The following PGPEP1L variants were observed in gnomAD, a reference collection of about 807,000 sequenced individuals.
PGPEP1L encodes pyroglutamyl-peptidase 1-like protein.
Under a neutral mutation model 6.0 loss-of-function variants are expected in PGPEP1L, and 7 were observed. That is an observed-to-expected ratio of 1.17 (90% confidence interval 0.66 to 2.19). The LOEUF is 2.19. PGPEP1L is among the 30% of genes most tolerant of loss of function. The pLI is 0.00. For synonymous variants in PGPEP1L, 103 were observed against 83.9 expected (o/e 1.23, Z -1.24); for missense variants, 209 against 192.5 (o/e 1.09, Z -0.51).
chr15:98,981,503 A>AC (rs2017661879), intron 2 of PGPEP1L, among the ~76,000 whole-genome samples: 1 of 141,914 alleles, frequency 7.0e-6, no homozygotes, highest in East Asian at 2.1e-4. Context: ...AAAAAAAAAA[A>AC]AAACAAAAAC....
chr15:98,969,717 C>T, intron 3 of PGPEP1L, 66 bp from the exon 4 acceptor site: 1 of 1,508,654 alleles, frequency 6.6e-7, no homozygotes, highest in Non-Finnish European at 9.1e-7. Context: ...ACCAAATGTG[C>T]AGAAGGGGCC....
chr15:98,992,979 A>C (rs1373040673), intron 2 of PGPEP1L, among the ~76,000 whole-genome samples: 1 of 152,104 alleles, frequency 6.6e-6, no homozygotes. Context: ...CGTAAGAAAC[A>C]TAAGACCTAA....
intron 2 of PGPEP1L, among the ~76,000 whole-genome samples, chr15:98,991,595 T>C (rs550286745): frequency 2.4e-3 from 370 of 152,282 alleles, no homozygotes; most frequent in Non-Finnish European, 3.7e-3. Context: ...CCTCCCTAAC[T>C]CATTTTAGGA....
intron 2 of PGPEP1L, among the ~76,000 whole-genome samples, chr15:98,984,033 T>TC (rs1491091964): frequency 7.5e-6 from 1 of 133,602 alleles, no homozygotes; most frequent in Non-Finnish European, 1.5e-5. Context: ...TTTTTTTTTT[T>TC]CTATTTTGAG....
chr15:98,997,325 A>G (rs1367222982), intron 2 of PGPEP1L, among the ~76,000 whole-genome samples: 1 of 152,066 alleles, frequency 6.6e-6, no homozygotes, highest in African/African-American at 2.4e-5. Context: ...AGCCTAGAAA[A>G]CCGATGCTGC....
In PGPEP1L at chr15:98,981,359, G is replaced by A. The variant is rs374845379; in HGVS notation, c.-141-10201C>T. On this transcript the variant is annotated intron_variant, in intron 2 of 4. Transcript: ENST00000535714. ...TACAAAGTTAGCCGGGCGTGCTGGC[G>A]GGCGCCTGTAGTCCCAGCTACTCGA... 3.9e-4 allele frequency among the ~76,000 whole-genome samples: 59 copies of A among 151,708 alleles called. No homozygotes were observed. In the East Asian group the frequency reaches 7.4e-3, roughly 19 times the overall value.
intron 2 of PGPEP1L, among the ~76,000 whole-genome samples, chr15:98,996,199 T>C (rs915592095): frequency 2.0e-5 from 3 of 152,222 alleles, no homozygotes; most frequent in Admixed American, 6.5e-5. Context: ...CTCATGGTAG[T>C]TTGCTTCTCT....
intron 2 of PGPEP1L, among the ~76,000 whole-genome samples, chr15:99,001,843 A>G (rs1311227934): frequency 6.6e-6 from 1 of 151,886 alleles, no homozygotes; most frequent in Non-Finnish European, 1.5e-5. Context: ...TCAGCCTCCT[A>G]AGTAGCTGGG....
chr15:99,007,061 A>C (rs1273065325), intron 1 of PGPEP1L, among the ~76,000 whole-genome samples: 2 of 151,686 alleles, frequency 1.3e-5, no homozygotes, highest in African/African-American at 2.4e-5. Context: ...CGCGGATTAG[A>C]CCCCCCTTGG....
intron 3 of PGPEP1L, 125 bp downstream of exon 3, chr15:98,970,911 T>C (rs2017483533): frequency 7.1e-7 from 1 of 1,399,606 alleles, no homozygotes; most frequent in African/African-American, 1.4e-5. Flanking sequence ...GGACCTTGCA[T>C]GACTGGTGGG....
At chr15:99,005,923 C>G (rs1191600851) in intron 1 of PGPEP1L, among the ~76,000 whole-genome samples, 5 of 152,114 alleles carry the variant, frequency 3.3e-5, no homozygotes, top group African/African-American at 1.2e-4. Context: ...TTACTTAGAT[C>G]TTATTTTTTC....
At chr15:98,980,128 C>G (rs549538355) in intron 2 of PGPEP1L, among the ~76,000 whole-genome samples, 14 of 152,086 alleles carry the variant, frequency 9.2e-5, no homozygotes, top group Non-Finnish European at 2.1e-4. Flanking sequence ...CAAATCACCA[C>G]TAAAGAACTT....
At chr15:99,002,303 A>G (rs782327376) in intron 2 of PGPEP1L, among the ~76,000 whole-genome samples, 1 of 152,154 alleles carries the variant, frequency 6.6e-6, no homozygotes, top group Admixed American at 6.6e-5. Context: ...GCCTACATAA[A>G]ATATTTGTAA....
intron 2 of PGPEP1L, among the ~76,000 whole-genome samples, chr15:98,993,763 G>A (rs2017850252): frequency 1.3e-5 from 2 of 151,596 alleles, no homozygotes; most frequent in Admixed American, 6.6e-5. Flanking sequence ...CATGGCACGT[G>A]TATACCTATG....
intron 2 of PGPEP1L, among the ~76,000 whole-genome samples, chr15:98,971,399 C>A (rs964765519): frequency 2.0e-5 from 3 of 152,100 alleles, no homozygotes; most frequent in African/African-American, 7.2e-5. Context: ...GAGGCTGAGG[C>A]AGGAGAATCA....
intron 2 of PGPEP1L, among the ~76,000 whole-genome samples, chr15:98,972,876 A>C (rs2017519416): frequency 2.0e-4 from 3 of 15,012 alleles, no homozygotes; most frequent in African/African-American, 2.8e-4. Context: ...CCGTCTCAAA[A>C]AAAAAAAAAA....
rs755144871 is a variant in PGPEP1L at position 98,968,558 on chromosome 15, G to A, written c.349C>T (p.Leu117=). Residue 117 remains leucine (L), a synonymous_variant, in exon 5 of 5, where the codon CTG becomes TTG. Coordinates refer to ENST00000535714, the MANE Select transcript of PGPEP1L (RefSeq NM_001167902.2). ...TGCTTGGGCTTTCCCACCTCTTCCA[G>A]CATTTCCTGGATGATGACTCTCAAG... is the stretch of plus-strand genomic sequence containing the variant. ...RALRVIIQEM[L]EEVGKPKHRA... is the part of the protein sequence containing the mutation. 3 of 1,590,058 alleles carry A rather than the reference G, an allele frequency of 1.9e-6. No homozygotes were observed. The highest frequency in any genetic ancestry group is 3.5e-5 in the Admixed American group (2 of 56,996).
chr15:98,970,049 GTATT>G (rs897913541), intron 3 of PGPEP1L, among the ~76,000 whole-genome samples: 4 of 152,030 alleles, frequency 2.6e-5, no homozygotes, highest in South Asian at 2.1e-4. Context: ...TTTTATTTAT[GTATT>G]TATTTATTTT....
Position 98,997,871 on chromosome 15 carries a change from T to C in PGPEP1L, c.-142+7558A>G, listed in dbSNP as rs368882494. 7.7e-4 allele frequency among the ~76,000 whole-genome samples: 117 copies of C among 152,082 alleles called. 1 individual carries two copies. Among genetic ancestry groups the C allele is most frequent in the African/African-American group, 2.6e-3 (107 of 41,490 alleles). ...CTGCTCTGAGGACACTCCCCATCCC[T>C]CCCAGGAGGGTCCCTTTAGGCCCCT... On this transcript the variant is annotated intron_variant, in intron 2 of 4. Transcript: ENST00000535714.
Sources: gnomAD v4.1 joint callset for allele counts (sites outside exome capture counted in the v4.1 genomes callset) on GRCh38, gnomAD v4.1.1 for gene constraint, MANE v1.5 for transcripts, NCBI Gene and HGNC (gene_info 2026-07-23, HGNC 2026-07-21) for gene names.